ACOX3: variants seen among roughly 807,000 people sequenced by gnomAD.
The protein encoded by ACOX3 is peroxisomal acyl-coenzyme A oxidase 3.
Under a neutral mutation model 81.5 loss-of-function variants are expected in ACOX3, and 73 were observed. The observed-to-expected ratio is 0.90, with a 90% CI of 0.74 to 1.09. ACOX3 has a LOEUF of 1.09. Among genes scored for constraint, ACOX3 ranks in the 50% least tolerant of loss-of-function variants. The pLI is 0.00. For missense variants in ACOX3, 947 were observed against 928.0 expected (o/e 1.02, Z -0.27); for synonymous variants, 387 against 375.1 (o/e 1.03, Z -0.37).
chr4:8,399,684 AG>A lies in ACOX3; in HGVS notation c.777-33del, dbSNP rs778368731. 1 of 1,589,082 alleles carries A rather than the reference AG, an allele frequency of 6.3e-7. No homozygotes were observed. Among genetic ancestry groups the A allele is most frequent in the East Asian group, 2.2e-5 (1 of 44,758 alleles). On this transcript the variant is annotated intron_variant, in intron 7 of 17. Transcript: ENST00000356406. The surrounding 1 kb of genome is among the most constrained non-coding windows in gnomAD (Gnocchi z 4.9). ...GGAAGCAGCAGGGCTTCTGTTAAAC[AG>A]GGGTCCTGCCCTGAGGCTCTTCTCT... is the stretch of plus-strand genomic sequence containing the variant.
intron 7 of ACOX3, among the ~76,000 whole-genome samples, chr4:8,404,457 G>GAAATCAC (rs1720713265): frequency 7.2e-6 from 1 of 139,116 alleles, no homozygotes; most frequent in Non-Finnish European, 1.6e-5. Flanking sequence ...TTTTTTGCCT[G>GAAATCAC]AAATCACAAG....
chr4:8,412,199 G>A (rs1316654408), intron 5 of ACOX3, among the ~76,000 whole-genome samples: 6 of 152,228 alleles, frequency 3.9e-5, no homozygotes, highest in Admixed American at 2.0e-4. Context: ...AGAAAATTCT[G>A]AAAAGAACCT....
rs202240253 is a variant in ACOX3, at chr4:8,440,002, AAATAAT to A, written c.-15+640_-15+645del. ...ACCACGTGGCCCTAGGAGTTAAAAA[AAATAAT>A]AATAATAACATCAACCCCCGACCTA... On this transcript the variant is annotated intron_variant, in intron 1 of 17. Transcript: ENST00000356406. Among the ~76,000 whole-genome samples the A allele has an allele frequency of 6.6e-3, 1,003 of 152,344 alleles. 34 individuals carry two copies. The highest frequency in any genetic ancestry group is 0.056 in the Admixed American group (862 of 15,306).
rs1719754349 is a variant in ACOX3 at position 8,396,877 on chromosome 4, A to T, written c.1056+60T>A. On this transcript the variant is annotated intron_variant, in intron 9 of 17. Transcript: ENST00000356406. Reference sequence around the variant, plus strand: ...CAGTAACCAAACGGCAACTATGTAAAAGAAGTGAATTTGCATATAAAATAG... The same window carrying T: ...CAGTAACCAAACGGCAACTATGTAATAGAAGTGAATTTGCATATAAAATAG... The T allele has an allele frequency of 2.6e-6, 4 of 1,568,172 alleles. No individual in the cohort carries two copies. In the East Asian group the frequency reaches 6.8e-5, roughly 27 times the overall value.
intron 7 of ACOX3, among the ~76,000 whole-genome samples, chr4:8,402,705 G>A (rs74333653): frequency 0.07 from 10,589 of 152,264 alleles, 727 homozygotes; most frequent in African/African-American, 0.18. Flanking sequence ...TGTCTCCAGC[G>A]GGAGACGTGT....
chr4:8,375,481 C>T (rs1315772091), intron 14 of ACOX3, among the ~76,000 whole-genome samples: 4 of 152,190 alleles, frequency 2.6e-5, no homozygotes, highest in East Asian at 3.9e-4. Context: ...GGATGCTCTG[C>T]GGCTACAGAG....
At position 8,389,429 on chromosome 4, in the gene ACOX3, G is replaced by A; in HGVS notation, c.1424-143C>T. On this transcript the variant is annotated intron_variant, in intron 12 of 17. Coordinates refer to ENST00000356406, the MANE Select transcript of ACOX3 (RefSeq NM_003501.3). The surrounding 1 kb of genome is among the most constrained non-coding windows in gnomAD (Gnocchi z 5.3). Reference sequence around the variant, plus strand: ...CACAGGCGAGGGTCTGGGTCTCAAGGACCCTCCCCACCCCAGCCTTTGCCC... The same window carrying A: ...CACAGGCGAGGGTCTGGGTCTCAAGAACCCTCCCCACCCCAGCCTTTGCCC... 1 of 1,273,414 alleles carries A rather than the reference G, an allele frequency of 7.9e-7. No individual in the cohort carries two copies. Among genetic ancestry groups the A allele is most frequent in the South Asian group, 1.4e-5 (1 of 71,294 alleles). 78.9% of individuals were successfully genotyped at this position (1,273,414 alleles called of 1,614,324 possible).
intron 7 of ACOX3, among the ~76,000 whole-genome samples, chr4:8,403,927 A>G (rs1720639839): frequency 6.6e-6 from 1 of 152,170 alleles, no homozygotes; most frequent in Non-Finnish European, 1.5e-5. Context: ...CCGGGTGGAG[A>G]TGCCTGTCGG....
At position 8,399,474 on chromosome 4, in the gene ACOX3, T is replaced by C; in HGVS notation, c.873+82A>G. 8.0e-7 allele frequency: 1 copy of C among 1,246,578 alleles called. No individual in the cohort carries two copies. Among genetic ancestry groups the C allele is most frequent in the African/African-American group, 1.5e-5 (1 of 66,572 alleles). The allele number at this position is 1,246,578 out of a possible 1,614,324, so 77.2% of individuals were successfully genotyped here. Reference sequence around the variant, plus strand: ...TACGTGGAGGGGTCTCCTTTCCAGGTGCAGGGAGGAGCACAGAGCCAGGCC... The same window carrying C: ...TACGTGGAGGGGTCTCCTTTCCAGGCGCAGGGAGGAGCACAGAGCCAGGCC... On this transcript the variant is annotated intron_variant, in intron 8 of 17. Coordinates refer to ENST00000356406, the MANE Select transcript of ACOX3 (RefSeq NM_003501.3). This position sits in a 1 kb window ranked among gnomAD's most constrained non-coding sequence, Gnocchi z 4.9.
rs1355132816 is a variant in ACOX3, at chr4:8,368,326, G to A, written c.1984-1246C>T. Among the ~76,000 whole-genome samples, 1 of 152,258 alleles carries A rather than the reference G, an allele frequency of 6.6e-6. No homozygotes were observed. Among genetic ancestry groups the A allele is most frequent in the African/African-American group, 2.4e-5 (1 of 41,474 alleles). On this transcript the variant is annotated intron_variant, in intron 17 of 17. Transcript: ENST00000356406. The surrounding 1 kb of genome is among the most constrained non-coding windows in gnomAD (Gnocchi z 5.9). ...TGGGGAGAGACGCTCCTGTCTTGGA[G>A]GAAGGTTGTACAAATGAAGGGCGAA...
At chr4:8,377,744 C>A (rs2108811076) in intron 14 of ACOX3, among the ~76,000 whole-genome samples, 1 of 152,348 alleles carries the variant, frequency 6.6e-6, no homozygotes, top group East Asian at 1.9e-4. Flanking sequence ...GAGCTGACCA[C>A]AGCATTAACC....
chr4:8,426,867 C>G (rs537816830), intron 1 of ACOX3, among the ~76,000 whole-genome samples: 1 of 152,298 alleles, frequency 6.6e-6, no homozygotes, highest in East Asian at 1.9e-4. Flanking sequence ...GGCCTGCTAG[C>G]CCATGCTCCG....
At chr4:8,372,667 G>A (rs1274982495) in intron 16 of ACOX3, among the ~76,000 whole-genome samples, 9 of 152,198 alleles carry the variant, frequency 5.9e-5, no homozygotes, top group Non-Finnish European at 1.5e-5. Context: ...TTTATACAAC[G>A]AATCCCGAGA....
chr4:8,394,846 C>T lies in ACOX3; in HGVS notation c.1057-104G>A. 5 of 1,441,234 alleles carry T rather than the reference C, an allele frequency of 3.5e-6. No individual in the cohort carries two copies. The highest frequency in any genetic ancestry group is 4.6e-6 in the Non-Finnish European group (5 of 1,076,174). The allele number at this position is 1,441,234 out of a possible 1,614,324, so 89.3% of individuals were successfully genotyped here. ...GTGCAGGGAGAGGCCGTCAGGGCCACACACCCACTAGCGCTGAAGGTCTTC... is the reference window on the plus strand; with the variant it reads ...GTGCAGGGAGAGGCCGTCAGGGCCATACACCCACTAGCGCTGAAGGTCTTC... On this transcript the variant is annotated intron_variant, in intron 9 of 17. Transcript: ENST00000356406. This position sits in a 1 kb window ranked among gnomAD's most constrained non-coding sequence, Gnocchi z 5.9.
At chr4:8,402,820 T>G (rs554412070) in intron 7 of ACOX3, among the ~76,000 whole-genome samples, 54 of 152,176 alleles carry the variant, frequency 3.5e-4, no homozygotes, top group African/African-American at 1.3e-3. Context: ...AAACCCTCAC[T>G]CCAATCCCAG....
At position 8,406,457 on chromosome 4, in the gene ACOX3, G is replaced by A. The variant is rs1259077694; in HGVS notation, c.688-414C>T. ...TTTCTCCCCGTGTGTGGAGACAAGA[G>A]AGCATAGAGATAAAGACACAAGACA... On this transcript the variant is annotated intron_variant, in intron 6 of 17. Coordinates refer to ENST00000356406, the MANE Select transcript of ACOX3 (RefSeq NM_003501.3). The surrounding 1 kb of genome is among the most constrained non-coding windows in gnomAD (Gnocchi z 5.6). 1.3e-5 allele frequency among the ~76,000 whole-genome samples: 2 copies of A among 152,200 alleles called. No individual in the cohort carries two copies. The highest frequency in any genetic ancestry group is 2.9e-5 in the Non-Finnish European group (2 of 68,028).
chr4:8,370,407 G>C lies in ACOX3; in HGVS notation c.1983+501C>G, dbSNP rs1285271257. Among the ~76,000 whole-genome samples the C allele has an allele frequency of 6.6e-6, 1 of 152,106 alleles. No homozygotes were observed. The highest frequency in any genetic ancestry group is 2.4e-5 in the African/African-American group (1 of 41,436). ...TTATGGAACATGGGGGGCAGGAGGAGAGCTGAGGAGCCACAGGGAGGCGGT... is the reference window on the plus strand; with the variant it reads ...TTATGGAACATGGGGGGCAGGAGGACAGCTGAGGAGCCACAGGGAGGCGGT... On this transcript the variant is annotated intron_variant, in intron 17 of 17. Coordinates refer to ENST00000356406, the MANE Select transcript of ACOX3 (RefSeq NM_003501.3). The surrounding 1 kb of genome is among the most constrained non-coding windows in gnomAD (Gnocchi z 6.3).
chr4:8,407,653 A>G lies in ACOX3; in HGVS notation c.688-1610T>C, dbSNP rs966436040. Among the ~76,000 whole-genome samples the G allele has an allele frequency of 6.6e-6, 1 of 152,074 alleles. No individual in the cohort carries two copies. The highest frequency in any genetic ancestry group is 1.5e-5 in the Non-Finnish European group (1 of 68,022). ...TTCATATTCACGTTTTAGACACAGG[A>G]CTCCCTGCTAGATTTTAGTAAAGTG... On this transcript the variant is annotated intron_variant, in intron 6 of 17. Transcript: ENST00000356406. This position sits in a 1 kb window ranked among gnomAD's most constrained non-coding sequence, Gnocchi z 4.6.
chr4:8,393,617 A>G (rs377232722), intron 10 of ACOX3, among the ~76,000 whole-genome samples: 7,157 of 64,048 alleles, frequency 0.11, 260 homozygotes, highest in African/African-American at 0.18. Context: ...ACACACACGC[A>G]CACACACACA....
Sources: gnomAD v4.1 joint callset for allele counts (sites outside exome capture counted in the v4.1 genomes callset) on GRCh38, gnomAD v4.1.1 for gene constraint, Gnocchi (gnomAD v3.1) non-coding constraint, MANE v1.5 for transcripts, NCBI Gene and HGNC (gene_info 2026-07-23, HGNC 2026-07-21) for gene names.